Variants in MYO16 observed in about 807,000 individuals in gnomAD.
The protein encoded by MYO16 is unconventional myosin-XVI.
In MYO16, 94 loss-of-function variants were observed where a neutral mutation model predicts 205.3. The observed-to-expected ratio is 0.46, with a 90% CI of 0.39 to 0.54. The LOEUF is 0.54. Ranked by LOEUF, MYO16 falls within the 20% of genes least tolerant of loss-of-function variation. MYO16 has a pLI of 0.00. For synonymous variants in MYO16, 988 were observed against 954.0 expected (o/e 1.04, Z -0.66); for missense variants, 2,315 against 2,387.5 (o/e 0.97, Z 0.63).
At chr13:108,974,307 T>C (rs1471177613) in intron 20 of MYO16, among the ~76,000 whole-genome samples, 3 of 152,178 alleles carry the variant, frequency 2.0e-5, no homozygotes, top group African/African-American at 7.2e-5. Context: ...TAGCACTTAA[T>C]ATACTTATGA....
At chr13:108,985,744 G>A (rs189463983) in intron 20 of MYO16, among the ~76,000 whole-genome samples, 1 of 152,232 alleles carries the variant, frequency 6.6e-6, no homozygotes, top group African/African-American at 2.4e-5. Flanking sequence ...TTCTAACATC[G>A]TGTTTGATTT....
chr13:108,638,059 C>T (rs1340666686), intron 1 of MYO16, among the ~76,000 whole-genome samples: 1 of 151,988 alleles, frequency 6.6e-6, no homozygotes, highest in Non-Finnish European at 1.5e-5. Context: ...ACTGAGTGAC[C>T]TGGAAGCAGA....
chr13:109,021,416 A>T (rs1886018629), intron 23 of MYO16, among the ~76,000 whole-genome samples: 1 of 152,138 alleles, frequency 6.6e-6, no homozygotes, highest in African/African-American at 2.4e-5. Flanking sequence ...GAGGGACTAG[A>T]CCTGGAGATT....
chr13:109,197,119 C>T (rs1364787905), intron 34 of MYO16, among the ~76,000 whole-genome samples: 1 of 152,186 alleles, frequency 6.6e-6, no homozygotes, highest in African/African-American at 2.4e-5. Context: ...TCTCCTTCAG[C>T]GGCTCCGCCC....
chr13:108,967,482 A>G (rs1053759606), intron 20 of MYO16, among the ~76,000 whole-genome samples: 2 of 152,212 alleles, frequency 1.3e-5, no homozygotes, highest in African/African-American at 4.8e-5. Flanking sequence ...TTGCTGGATC[A>G]GAATCCAGTC....
At chr13:108,885,570 A>G (rs371347648) in intron 13 of MYO16, among the ~76,000 whole-genome samples, 119 of 152,346 alleles carry the variant, frequency 7.8e-4, no homozygotes, top group Middle Eastern at 3.4e-3. Flanking sequence ...GTTGCTTAGA[A>G]AAAACACTGT....
At chr13:108,568,778 G>T in the MYO16 span, among the ~76,000 whole-genome samples, 1 of 151,638 alleles carries the variant, frequency 6.6e-6, no homozygotes, top group Admixed American at 6.6e-5. Flanking sequence ...CTAATCCAAG[G>T]CCACAGAGAT....
intron 33 of MYO16, chr13:109,167,074 C>T (rs1211675311): frequency 6.6e-6 from 1 of 152,422 alleles, no homozygotes; most frequent in Non-Finnish European, 1.5e-5. Context: ...CATGGGCAGC[C>T]TCCCAGCACA....
At chr13:108,723,671 A>C (rs2139576079) in intron 3 of MYO16, among the ~76,000 whole-genome samples, 1 of 152,188 alleles carries the variant, frequency 6.6e-6, no homozygotes, top group Admixed American at 6.5e-5. Context: ...ATTATGTTTC[A>C]TTGATTAATT....
intron 16 of MYO16, among the ~76,000 whole-genome samples, chr13:108,942,644 A>C (rs981187213): frequency 9.2e-5 from 14 of 152,218 alleles, no homozygotes; most frequent in African/African-American, 3.4e-4. Flanking sequence ...TCGTCTTTAC[A>C]GATCTGTTCC....
At chr13:108,601,441 G>A (rs1878759337) in intron 1 of MYO16, among the ~76,000 whole-genome samples, 1 of 152,062 alleles carries the variant, frequency 6.6e-6, no homozygotes, top group Admixed American at 6.6e-5. Flanking sequence ...AAACAAAGGG[G>A]AAAACCAAAT....
At chr13:109,059,721 C>T (rs1286934838) in intron 27 of MYO16, among the ~76,000 whole-genome samples, 7 of 152,154 alleles carry the variant, frequency 4.6e-5, no homozygotes, top group Non-Finnish European at 1.0e-4. Flanking sequence ...CTTGTTCACT[C>T]TGATGATGGT....
At chr13:108,828,247 A>G (rs923971084) in intron 9 of MYO16, among the ~76,000 whole-genome samples, 1 of 152,086 alleles carries the variant, frequency 6.6e-6, no homozygotes, top group Non-Finnish European at 1.5e-5. Flanking sequence ...TTTTATTTGT[A>G]ATTCCAAAGC....
At chr13:108,919,760 G>GTCCT (rs1430942691) in intron 16 of MYO16, among the ~76,000 whole-genome samples, 1 of 152,176 alleles carries the variant, frequency 6.6e-6, no homozygotes, top group African/African-American at 2.4e-5. Flanking sequence ...GTTGGTCTAC[G>GTCCT]TCCTTGATTG....
At position 108,656,922 on chromosome 13, in the gene MYO16, T is replaced by A. The variant is rs377686586; in HGVS notation, c.29-8964T>A. ...CAGGTACTCCATCCTAATTGTCCCG[T>A]TTCCTTGGTGCTCTATGGAGACAGC... On this transcript the variant is annotated intron_variant, in intron 1 of 34. Transcript: ENST00000457511. Among the ~76,000 whole-genome samples the A allele has an allele frequency of 2.0e-3, 304 of 152,246 alleles. 8 individuals are homozygous for A. In the South Asian group the frequency reaches 0.062, roughly 31 times the overall value.
intron 1 of MYO16, among the ~76,000 whole-genome samples, chr13:108,635,533 C>G (rs1880184625): frequency 6.7e-6 from 1 of 150,334 alleles, no homozygotes; most frequent in Non-Finnish European, 1.5e-5. Flanking sequence ...GGGAGTCTCA[C>G]TCTGTCACCC....
At chr13:108,533,011 A>G in the MYO16 span, among the ~76,000 whole-genome samples, 1 of 152,080 alleles carries the variant, frequency 6.6e-6, no homozygotes, top group Non-Finnish European at 1.5e-5. Context: ...GGAAGGAAGA[A>G]AAGGTATGGT....
In MYO16 at chr13:108,852,547, C is replaced by A. The variant is rs972769912; in HGVS notation, c.1249-2896C>A. Among the ~76,000 whole-genome samples the A allele has an allele frequency of 6.6e-5, 10 of 152,172 alleles. No homozygotes were observed. The South Asian group carries it at 1.7e-3, about 25-fold the overall frequency. On this transcript the variant is annotated intron_variant, in intron 10 of 34. Coordinates refer to ENST00000457511, the MANE Select transcript of MYO16 (RefSeq NM_001198950.3). ...AAAAAAATGTTATTCAGCAGAAGAA[C>A]CTTCCTCAGAAAGAAATACGTGAAC...
At chr13:108,713,983 C>T (rs1272047900) in intron 3 of MYO16, among the ~76,000 whole-genome samples, 1 of 152,190 alleles carries the variant, frequency 6.6e-6, no homozygotes, top group African/African-American at 2.4e-5. Flanking sequence ...AGACTAGGCA[C>T]ATTCTGCTAA....
Sources: allele counts gnomAD v4.1 joint callset (sites outside exome capture counted in the v4.1 genomes callset), GRCh38; gene constraint gnomAD v4.1.1; transcripts MANE v1.5; gene names NCBI Gene and HGNC (gene_info 2026-07-23, HGNC 2026-07-21).